Variants in TFEC observed in about 807,000 individuals in gnomAD.
The protein encoded by TFEC is class E basic helix-loop-helix protein 34.
Under a neutral mutation model 41.6 loss-of-function variants are expected in TFEC, and 31 were observed. That is an observed-to-expected ratio of 0.74 (90% CI 0.56 to 1.01). The LOEUF (loss-of-function observed/expected upper bound fraction) is 1.01, where lower values mean the gene tolerates loss of function less well. TFEC is among the 50% of genes least tolerant of loss of function. The probability of loss-of-function intolerance (pLI) is 0.00; values close to 1 mark genes in which losing one functional copy is unlikely to be tolerated. For missense variants in TFEC, 402 were observed against 404.1 expected (o/e 0.99, Z 0.04); for synonymous variants, 143 against 140.6 (o/e 1.02, Z -0.12).
rs995306083 is a variant in TFEC at position 116,089,378 on chromosome 7, C to T, written c.198+21330G>A. On this transcript the variant is annotated intron_variant, in intron 3 of 8. Transcript: ENST00000484212. ...AAGAATGACAAAATTGGAGATCTAC[C>T]TCAGGAGTGTAATGTGTCACATTGT... 2.0e-5 allele frequency among the ~76,000 whole-genome samples: 3 copies of T among 152,026 alleles called. No individual in the cohort carries two copies. The South Asian group carries it at 6.2e-4, about 31-fold the overall frequency.
chr7:115,978,011 T>C (rs949455806), intron 2 of TFEC, among the ~76,000 whole-genome samples: 2 of 152,016 alleles, frequency 1.3e-5, no homozygotes, highest in Non-Finnish European at 2.9e-5. Context: ...ACGGAAAGCA[T>C]AGTAACTTAA....
intron 3 of TFEC, among the ~76,000 whole-genome samples, chr7:116,048,915 A>G (rs550471762): frequency 6.6e-6 from 1 of 152,340 alleles, no homozygotes; most frequent in African/African-American, 2.4e-5. Context: ...AAAATCCTTT[A>G]CAGACAAACA....
At chr7:115,941,111 ACT>A (rs1234447414) in intron 7 of TFEC, 180 bp from the exon 8 acceptor site, 8 of 636,012 alleles carry the variant, frequency 1.3e-5, no homozygotes, top group South Asian at 5.9e-5. Flanking sequence ...ATGAAAAATA[ACT>A]CTGAGAAAAT....
chr7:115,987,823 A>C (rs1793925391), intron 1 of TFEC, among the ~76,000 whole-genome samples: 1 of 152,160 alleles, frequency 6.6e-6, no homozygotes, highest in Non-Finnish European at 1.5e-5. Flanking sequence ...AAATGAAAGA[A>C]TGAGTCATTA....
chr7:115,992,372 G>A (rs552896859), intron 1 of TFEC, among the ~76,000 whole-genome samples: 159 of 152,272 alleles, frequency 1.0e-3, no homozygotes, highest in Non-Finnish European at 1.6e-3. Context: ...AGAACTGAAG[G>A]AAATAGAGAC....
At chr7:116,129,251 C>T (rs763288987) in intron 1 of TFEC, among the ~76,000 whole-genome samples, 5 of 152,088 alleles carry the variant, frequency 3.3e-5, no homozygotes, top group Non-Finnish European at 2.9e-5. Context: ...GTTGTGTATA[C>T]TCAGGAGACA....
At chr7:116,085,790 G>T (rs541555539) in intron 3 of TFEC, among the ~76,000 whole-genome samples, 1 of 151,968 alleles carries the variant, frequency 6.6e-6, no homozygotes, top group East Asian at 1.9e-4. Context: ...TGTGTAAAAT[G>T]TATTTGGTTA....
At chr7:116,131,189 C>T (rs923697413) in intron 1 of TFEC, among the ~76,000 whole-genome samples, 1 of 152,122 alleles carries the variant, frequency 6.6e-6, no homozygotes, top group Non-Finnish European at 1.5e-5. Flanking sequence ...AGTTGGAAAA[C>T]AGATGTGACT....
intron 5 of TFEC, among the ~76,000 whole-genome samples, chr7:115,952,432 A>C (rs1402357718): frequency 2.6e-5 from 4 of 152,092 alleles, no homozygotes; most frequent in Non-Finnish European, 5.9e-5. Context: ...TTTTGTGTCC[A>C]CACACATTAA....
chr7:115,946,532 C>A (rs1411225199), intron 6 of TFEC, among the ~76,000 whole-genome samples: 1 of 150,934 alleles, frequency 6.6e-6, no homozygotes, highest in Non-Finnish European at 1.5e-5. Flanking sequence ...CCTTGTGTCT[C>A]AGCCTCCTGA....
chr7:116,041,824 A>G (rs1268183391), intron 3 of TFEC, among the ~76,000 whole-genome samples: 1 of 152,320 alleles, frequency 6.6e-6, no homozygotes, highest in East Asian at 1.9e-4. Flanking sequence ...GCACAGACGC[A>G]TGCACACATG....
At chr7:115,977,809 A>G (rs970405992) in intron 2 of TFEC, among the ~76,000 whole-genome samples, 2 of 152,050 alleles carry the variant, frequency 1.3e-5, no homozygotes, top group African/African-American at 4.8e-5. Context: ...ATCAATTCAG[A>G]AAGGTGGGTG....
At chr7:116,044,915 T>A (rs1358194325) in intron 3 of TFEC, among the ~76,000 whole-genome samples, 2 of 152,180 alleles carry the variant, frequency 1.3e-5, no homozygotes, top group Admixed American at 6.5e-5. Flanking sequence ...CGAAATTAGA[T>A]TTCACCAGTT....
At chr7:116,154,013 G>GTT (rs1798817752) in intron 1 of TFEC, among the ~76,000 whole-genome samples, 1 of 152,208 alleles carries the variant, frequency 6.6e-6, no homozygotes, top group East Asian at 1.9e-4. Context: ...AGATGAAATT[G>GTT]TAAGGAGAGA....
At chr7:115,955,226 A>G (rs1792160056) in intron 4 of TFEC, among the ~76,000 whole-genome samples, 1 of 152,020 alleles carries the variant, frequency 6.6e-6, no homozygotes, top group African/African-American at 2.4e-5. Context: ...GATGGCCTAC[A>G]ATGATTCTTA....
At chr7:115,957,394 C>T (rs967852030) in intron 3 of TFEC, among the ~76,000 whole-genome samples, 7 of 151,808 alleles carry the variant, frequency 4.6e-5, no homozygotes, top group Non-Finnish European at 1.0e-4. Flanking sequence ...TAGTCTAAAA[C>T]TACTTTTGCC....
At chr7:116,104,277 C>CTCAAAA (rs1310301782) in intron 3 of TFEC, among the ~76,000 whole-genome samples, 6 of 152,110 alleles carry the variant, frequency 3.9e-5, no homozygotes, top group African/African-American at 1.4e-4. Context: ...CCCTCAGCTT[C>CTCAAAA]AGTGAGCCAT....
At chr7:116,083,639 C>A (rs1797139504) in intron 3 of TFEC, among the ~76,000 whole-genome samples, 1 of 151,932 alleles carries the variant, frequency 6.6e-6, no homozygotes, top group South Asian at 2.1e-4. Flanking sequence ...TATAAACCTT[C>A]TCACCATGGT....
intron 1 of TFEC, chr7:116,120,229 A>C (rs1798082064): frequency 1.3e-5 from 2 of 151,910 alleles, no homozygotes; most frequent in South Asian, 4.1e-4. Flanking sequence ...ATGGGCTGCT[A>C]TTCCATATAA....
Sources: gnomAD v4.1 joint callset for allele counts (sites outside exome capture counted in the v4.1 genomes callset) on GRCh38, gnomAD v4.1.1 for gene constraint, MANE v1.5 for transcripts, NCBI Gene and HGNC (gene_info 2026-07-23, HGNC 2026-07-21) for gene names.